The following ROBO1 variants were observed in gnomAD, a reference collection of about 807,000 sequenced individuals.
ROBO1 encodes roundabout guidance receptor 1.
Under a neutral mutation model 195.9 loss-of-function variants are expected in ROBO1, and 149 were observed. The ratio of observed to expected loss-of-function variants is 0.76; its 90% CI spans 0.67 to 0.87. ROBO1 has a LOEUF of 0.87. Ranked by LOEUF, ROBO1 falls within the 40% of genes least tolerant of loss-of-function variation. The probability of loss-of-function intolerance (pLI) is 0.00; values close to 1 mark genes in which losing one functional copy is unlikely to be tolerated. For missense variants in ROBO1, 1,933 were observed against 2,068.3 expected, an observed-to-expected ratio of 0.93 and a Z score of 1.27; for synonymous variants, 816 against 733.2, an observed-to-expected ratio of 1.11 and a Z score of -1.82.
chr3:78,675,377 G>A (rs554495765), intron 10 of ROBO1, among the ~76,000 whole-genome samples: 18 of 152,272 alleles, frequency 1.2e-4, no homozygotes, highest in Admixed American at 3.3e-4. Flanking sequence ...TGCCTCACTC[G>A]GGAAGCGCAA....
chr3:79,082,081 G>C (rs2079284862), intron 3 of ROBO1, among the ~76,000 whole-genome samples: 1 of 152,044 alleles, frequency 6.6e-6, no homozygotes, highest in South Asian at 2.1e-4. Context: ...TAACTTTAAA[G>C]TGTCCTTATA....
chr3:79,728,339 A>T (rs550188955), intron 1 of ROBO1, among the ~76,000 whole-genome samples: 42 of 152,308 alleles, frequency 2.8e-4, no homozygotes, highest in African/African-American at 1.0e-3. Context: ...CAGCAAATAC[A>T]ATATGCCAAT....
chr3:78,906,242 T>G (rs2037906155), intron 4 of ROBO1, among the ~76,000 whole-genome samples: 1 of 152,102 alleles, frequency 6.6e-6, no homozygotes, highest in African/African-American at 2.4e-5. Context: ...TCCTCTCTCC[T>G]GTCTTCTTTA....
chr3:79,044,899 T>G (rs1461432860), intron 3 of ROBO1, among the ~76,000 whole-genome samples: 1 of 152,094 alleles, frequency 6.6e-6, no homozygotes, highest in Non-Finnish European at 1.5e-5. Context: ...TTTCCCCTTT[T>G]TTTGTTTGAA....
chr3:79,024,049 A>C (rs1354556681), intron 3 of ROBO1, among the ~76,000 whole-genome samples: 1 of 152,084 alleles, frequency 6.6e-6, no homozygotes, highest in Non-Finnish European at 1.5e-5. Context: ...AAGATACTGT[A>C]AAGGACCATC....
intron 10 of ROBO1, among the ~76,000 whole-genome samples, chr3:78,676,363 C>T (rs545824764): frequency 3.7e-4 from 56 of 152,058 alleles, no homozygotes; most frequent in South Asian, 3.5e-3. Flanking sequence ...AGGCTTCAGA[C>T]GATCAAACTA....
At chr3:78,716,482 C>T (rs937519626) in intron 7 of ROBO1, among the ~76,000 whole-genome samples, 1 of 152,144 alleles carries the variant, frequency 6.6e-6, no homozygotes, top group Admixed American at 6.5e-5. Context: ...GGGAAACCAC[C>T]CCTATGATTC....
intron 3 of ROBO1, among the ~76,000 whole-genome samples, chr3:79,097,125 C>T (rs985241210): frequency 4.0e-5 from 6 of 151,772 alleles, no homozygotes; most frequent in Non-Finnish European, 7.4e-5. Flanking sequence ...ATACTAAAAG[C>T]ATGGCATAAG....
intron 1 of ROBO1, among the ~76,000 whole-genome samples, chr3:79,687,165 T>C (rs7621237): frequency 0.62 from 94,991 of 152,104 alleles, 31,974 homozygotes; most frequent in African/African-American, 0.9. Flanking sequence ...GCTAGCCATA[T>C]GTAGAAAGCT....
intron 2 of ROBO1, among the ~76,000 whole-genome samples, chr3:79,421,634 C>A (rs7653197): frequency 0.36 from 55,457 of 151,974 alleles, 10,786 homozygotes; most frequent in Admixed American, 0.49. Context: ...AAGCTCAGCT[C>A]TGTGTCTTAG....
intron 2 of ROBO1, among the ~76,000 whole-genome samples, chr3:79,163,615 C>T (rs943355276): frequency 1.3e-5 from 2 of 152,070 alleles, no homozygotes; most frequent in Non-Finnish European, 2.9e-5. Context: ...CTGTTTTTTA[C>T]AGCAGTTGTA....
At chr3:78,823,919 ATGTG>A (rs2031308934) in intron 4 of ROBO1, among the ~76,000 whole-genome samples, 3 of 151,618 alleles carry the variant, frequency 2.0e-5, no homozygotes, top group Admixed American at 2.0e-4. Flanking sequence ...ATGAGCATGC[ATGTG>A]TGTGTACCTT....
chr3:78,934,342 A>C lies in ROBO1; in HGVS notation c.499+4259T>G, dbSNP rs370829318. Among the ~76,000 whole-genome samples the C allele has an allele frequency of 3.2e-4, 48 of 152,070 alleles. No individual in the cohort carries two copies. The East Asian group carries it at 9.3e-3, about 29-fold the overall frequency. On this transcript the variant is annotated intron_variant, in intron 4 of 30. Coordinates refer to ENST00000464233, the MANE Select transcript of ROBO1 (RefSeq NM_002941.4). Reference sequence around the variant, plus strand: ...AGAGTAAAATGGTGTTTAAAAATTGAAACTAAACCACCCTTTAACAGTATT... The same window carrying C: ...AGAGTAAAATGGTGTTTAAAAATTGCAACTAAACCACCCTTTAACAGTATT...
intron 4 of ROBO1, among the ~76,000 whole-genome samples, chr3:78,763,107 A>G (rs1374444501): frequency 6.6e-6 from 1 of 152,172 alleles, no homozygotes; most frequent in East Asian, 1.9e-4. Flanking sequence ...TGAAAGAAAC[A>G]CTACCACATA....
At chr3:78,991,265 C>A (rs146590306) in intron 3 of ROBO1, among the ~76,000 whole-genome samples, 1 of 152,052 alleles carries the variant, frequency 6.6e-6, no homozygotes, top group Non-Finnish European at 1.5e-5. Flanking sequence ...GATATTAGTA[C>A]AATTTGAACA....
intron 5 of ROBO1, among the ~76,000 whole-genome samples, chr3:78,734,083 C>T (rs2082339681): frequency 6.6e-6 from 1 of 152,074 alleles, no homozygotes; most frequent in Non-Finnish European, 1.5e-5. Flanking sequence ...ATTTCTGAGA[C>T]ACTTTCTGCT....
At chr3:79,385,882 T>C (rs1034490956) in intron 2 of ROBO1, among the ~76,000 whole-genome samples, 4 of 152,186 alleles carry the variant, frequency 2.6e-5, no homozygotes, top group African/African-American at 7.2e-5. Context: ...TCAACTTTTA[T>C]ACTGTAGATT....
chr3:79,363,551 C>T (rs958453803), intron 2 of ROBO1, among the ~76,000 whole-genome samples: 7 of 152,034 alleles, frequency 4.6e-5, no homozygotes, highest in East Asian at 3.8e-4. Flanking sequence ...CCTGGAAGAC[C>T]GTATAATTAA....
chr3:79,753,991 G>A (rs973773995), intron 1 of ROBO1, among the ~76,000 whole-genome samples: 2 of 152,110 alleles, frequency 1.3e-5, no homozygotes, highest in African/African-American at 4.8e-5. Context: ...CAGCCAAAAA[G>A]GACACTATTT....
Sources: gnomAD v4.1 joint callset for allele counts (sites outside exome capture counted in the v4.1 genomes callset) on GRCh38, gnomAD v4.1.1 for gene constraint, MANE v1.5 for transcripts, NCBI Gene and HGNC (gene_info 2026-07-23, HGNC 2026-07-21) for gene names.